The following LOX variants were observed in gnomAD, a reference collection of about 807,000 sequenced individuals.
LOX encodes lysyl oxidase, also known as protein-lysine 6-oxidase.
LOX carries 12 observed loss-of-function variants against 50.5 expected under a neutral mutation model. The observed-to-expected ratio is 0.24, with a 90% confidence interval of 0.15 to 0.38. The LOEUF (loss-of-function observed/expected upper bound fraction) is 0.38. Ranked by LOEUF, LOX falls within the 10% of genes least tolerant of loss-of-function variation. LOX has a pLI of 1.00. For missense variants in LOX, 504 were observed against 563.8 expected (o/e 0.89, Z 1.07); for synonymous variants, 254 against 230.6 (o/e 1.10, Z -0.92).
At position 122,064,044 on chromosome 5, in the gene LOX, C is replaced by G. The variant is rs1754235820; in HGVS notation, c.*2699G>C. 6.6e-6 allele frequency: 1 copy of G among 151,902 alleles called. No homozygotes were observed. Among genetic ancestry groups the G allele is most frequent in the South Asian group, 2.1e-4 (1 of 4,826 alleles). The allele number at this position is 151,902 out of a possible 1,614,324, so 9.4% of individuals were successfully genotyped here. A position where few individuals can be genotyped will look rare whatever the true frequency, so the allele number is the denominator to read the frequency against. On this transcript the variant is annotated 3_prime_UTR_variant, in exon 7 of 7. Coordinates refer to ENST00000231004, the MANE Select transcript of LOX (RefSeq NM_002317.7). ...TAACCCAGACTGTGGTCTGAATCAT[C>G]ATGAGATCGCTAATATGGCATATTG...
intron 5 of LOX, 43 bp downstream of exon 5, chr5:122,070,451 G>T: frequency 1.8e-6 from 2 of 1,089,448 alleles, no homozygotes; most frequent in Non-Finnish European, 1.4e-6. Flanking sequence ...AGGGCCTATT[G>T]ATCTGCAATA....
At chr5:122,075,363 G>T (rs746591395) in intron 3 of LOX, 41 bp downstream of exon 3, 1 of 1,534,470 alleles carries the variant, frequency 6.5e-7, no homozygotes, top group South Asian at 1.3e-5. Context: ...CCTGAGAAAT[G>T]AAAAGCAACC....
chr5:122,072,671 A>G (rs1258318017), intron 4 of LOX, among the ~76,000 whole-genome samples: 1 of 152,218 alleles, frequency 6.6e-6, no homozygotes, highest in Non-Finnish European at 1.5e-5. Flanking sequence ...GATCTAATGA[A>G]AAAAACAAAT....
Position 122,070,486 on chromosome 5 carries a change from G to T in LOX, c.1131+8C>A, listed in dbSNP as rs1241027041. 2 of 1,496,866 alleles carry T rather than the reference G, an allele frequency of 1.3e-6. No homozygotes were observed. Among genetic ancestry groups the T allele is most frequent in the Middle Eastern group, 1.9e-4 (1 of 5,362 alleles). 92.7% of individuals were successfully genotyped at this position (1,496,866 alleles called of 1,614,324 possible). On this transcript the variant is annotated splice_region_variant and intron_variant, in intron 5 of 6. Transcript: ENST00000231004. ...ATCAATATATGATATATTTTCAAAG[G>T]TCTTTACCTTTAGGATATAGTTTCC...
In LOX at chr5:122,078,105, G is replaced by A; in HGVS notation, c.-120C>T. 5 of 949,006 alleles carry A rather than the reference G, an allele frequency of 5.3e-6. No homozygotes were observed. The highest frequency in any genetic ancestry group is 5.8e-6 in the Non-Finnish European group (4 of 694,330). 58.8% of individuals were successfully genotyped at this position (949,006 alleles called of 1,614,324 possible). On this transcript the variant is annotated 5_prime_UTR_variant, in exon 1 of 7. Coordinates refer to ENST00000231004, the MANE Select transcript of LOX (RefSeq NM_002317.7). ...AACCAAGGAGGCGAGCGGAGCACGG[G>A]TATCTCAGTCTCCACCAAGCAATGC...
In LOX at chr5:122,077,891, G is replaced by T. The variant is rs780762236; in HGVS notation, c.95C>A (p.Pro32Gln). ...GCCCGGAGCCGCCGGCGGCTCGCGC[G>T]GGGGCTGCTGTTGGCCGGCGGCGGG... ...APPAAGQQQP[P>Q]REPPAAPGAW... Residue 32 changes from proline (P) to glutamine (Q), a missense_variant, in exon 1 of 7, where the codon CCG becomes CAG. By Grantham distance (76) the Pro-to-Gln change is moderately conservative. Transcript: ENST00000231004. This position sits in a 1 kb window ranked among gnomAD's most constrained non-coding sequence, Gnocchi z 4.9. The T allele has an allele frequency of 1.0e-5, 16 of 1,527,462 alleles. No homozygotes were observed. The highest frequency in any genetic ancestry group is 2.5e-5 in the East Asian group (1 of 39,532). The allele number at this position is 1,527,462 out of a possible 1,614,324, so 94.6% of individuals were successfully genotyped here. A position where few individuals can be genotyped will look rare whatever the true frequency, so the allele number is the denominator to read the frequency against.
rs539723592 is a variant in LOX at position 122,064,390 on chromosome 5, G to C, written c.*2353C>G. ...TATTTGGGTGTGTTTAGAGGTGCCAGGAGGGGGATGAATGTTCATATAAGG... is the reference window on the plus strand; with the variant it reads ...TATTTGGGTGTGTTTAGAGGTGCCACGAGGGGGATGAATGTTCATATAAGG... On this transcript the variant is annotated 3_prime_UTR_variant, in exon 7 of 7. Transcript: ENST00000231004. 1 of 151,836 alleles carries C rather than the reference G, an allele frequency of 6.6e-6. No individual in the cohort carries two copies. The highest frequency in any genetic ancestry group is 3.4e-3 in the Middle Eastern group (1 of 294). 9.4% of individuals were successfully genotyped at this position (151,836 alleles called of 1,614,324 possible).
chr5:122,072,911 G>T (rs1754492146), intron 4 of LOX, among the ~76,000 whole-genome samples: 1 of 152,198 alleles, frequency 6.6e-6, no homozygotes, highest in Non-Finnish European at 1.5e-5. Context: ...CCTTGCACAG[G>T]ACTTGCAGAT....
rs998690460 is a variant in LOX at position 122,077,509 on chromosome 5, C to A, written c.477G>T (p.Pro159=). 1.2e-6 allele frequency: 2 copies of A among 1,613,812 alleles called. No individual in the cohort carries two copies. Among genetic ancestry groups the A allele is most frequent in the African/African-American group, 2.7e-5 (2 of 75,062 alleles). ...GEVPALSNLR[P]PSRVDGMVGD... is the part of the protein sequence containing the mutation. ...CCACCATGCCGTCCACGCGGCTGGG[C>A]GGCCGCAGGTTACTGAGCGCAGGAA... is the stretch of plus-strand genomic sequence containing the variant. Residue 159 remains proline (P), a synonymous_variant, in exon 1 of 7, where the codon CCG becomes CCT. Coordinates refer to ENST00000231004, the MANE Select transcript of LOX (RefSeq NM_002317.7). This position sits in a 1 kb window ranked among gnomAD's most constrained non-coding sequence, Gnocchi z 4.9.
Position 122,074,054 on chromosome 5 carries a change from A to G in LOX, c.994T>C (p.Tyr332His). 6.2e-7 allele frequency: 1 copy of G among 1,614,090 alleles called. No homozygotes were observed. Among genetic ancestry groups the G allele is most frequent in the Non-Finnish European group, 8.5e-7 (1 of 1,179,938 alleles). Residue 332 changes from tyrosine to histidine, a missense_variant, in exon 4 of 7, where the codon TAT becomes CAT. By Grantham distance (83) the Tyr-to-His change is moderately conservative (BLOSUM62 2). Transcript: ENST00000231004. ...CATGCAAATCGCCTGTGGTAGCCATAGTCACAGGATGTGTCTTCAAGACAG... is the reference window on the plus strand; with the variant it reads ...CATGCAAATCGCCTGTGGTAGCCATGGTCACAGGATGTGTCTTCAAGACAG... The part of the protein sequence containing the change: ...SFCLEDTSCD[Y>H]GYHRRFACTA...
chr5:122,067,402 G>A (rs559171355), intron 6 of LOX, among the ~76,000 whole-genome samples: 2 of 152,018 alleles, frequency 1.3e-5, no homozygotes, highest in South Asian at 4.2e-4. Context: ...AAGGAGAGAG[G>A]GTACATTAAC....
At chr5:122,071,289 C>T (rs1754444917) in intron 4 of LOX, among the ~76,000 whole-genome samples, 1 of 152,004 alleles carries the variant, frequency 6.6e-6, no homozygotes, top group Non-Finnish European at 1.5e-5. Flanking sequence ...AAAACTAAGG[C>T]ACACTAAGAT....
At chr5:122,073,430 A>C (rs1754510778) in intron 4 of LOX, among the ~76,000 whole-genome samples, 1 of 152,226 alleles carries the variant, frequency 6.6e-6, no homozygotes, top group African/African-American at 2.4e-5. Flanking sequence ...TTATTAAAAG[A>C]GGCAACTTTT....
At chr5:122,076,870 G>T in intron 2 of LOX, 23 bp downstream of exon 2, 6 of 1,607,946 alleles carry the variant, frequency 3.7e-6, no homozygotes, top group Non-Finnish European at 4.3e-6. Flanking sequence ...GGGGAGCGGG[G>T]CCTCAGACAT....
chr5:122,073,954 GGT>G (rs1754533234), intron 4 of LOX, 57 bp downstream of exon 4: 6 of 1,493,646 alleles, frequency 4.0e-6, no homozygotes, highest in African/African-American at 1.4e-5. Flanking sequence ...GCTAACTAAC[GGT>G]AGATGACCCG....
At chr5:122,069,501 G>C (rs1299835008) in intron 6 of LOX, among the ~76,000 whole-genome samples, 1 of 152,040 alleles carries the variant, frequency 6.6e-6, no homozygotes, top group Admixed American at 6.6e-5. Context: ...AGAGTCTCAG[G>C]AGTAGGAATA....
chr5:122,076,789 T>C, intron 2 of LOX, 104 bp downstream of exon 2: 1 of 952,754 alleles, frequency 1.0e-6, no homozygotes, highest in South Asian at 1.4e-5. Flanking sequence ...CTTGTCCCAC[T>C]TCCTAACACT....
At chr5:122,066,892 T>C (rs1471718175) in intron 6 of LOX, 143 bp from the exon 7 acceptor site, 3 of 629,062 alleles carry the variant, frequency 4.8e-6, no homozygotes, top group South Asian at 1.9e-5. Context: ...TGTGAAATTA[T>C]GCAGTAGTAC....
At chr5:122,070,683 G>T in intron 4 of LOX, 94 bp from the exon 5 acceptor site, 1 of 631,688 alleles carries the variant, frequency 1.6e-6, no homozygotes, top group Non-Finnish European at 2.8e-6. Context: ...TTTTAAGTTA[G>T]TACTTACAAG....
Sources: gnomAD v4.1 joint callset for allele counts (sites outside exome capture counted in the v4.1 genomes callset) on GRCh38, gnomAD v4.1.1 for gene constraint, Gnocchi (gnomAD v3.1) non-coding constraint, MANE v1.5 for transcripts, NCBI Gene and HGNC (gene_info 2026-07-23, HGNC 2026-07-21) for gene names.